The following DMD variants were observed in gnomAD, a reference collection of about 807,000 sequenced individuals.
DMD encodes the protein dystrophin, also known as mutant dystrophin.
A neutral mutation model predicts 330.1 loss-of-function variants in DMD; 63 were observed. The ratio of observed to expected loss-of-function variants is 0.19; its 90% confidence interval spans 0.16 to 0.24. The LOEUF (loss-of-function observed/expected upper bound fraction) is 0.24. Ranked by LOEUF, DMD falls within the 10% of genes least tolerant of loss-of-function variation. The pLI, the probability that DMD is intolerant of heterozygous loss-of-function variation, is 1.00. For missense variants in DMD, 3,344 were observed against 2,684.1 expected (o/e 1.25, Z -5.43); for synonymous variants, 1,223 against 959.8 (o/e 1.27, Z -5.07).
intron 23 of DMD, among the ~76,000 whole-genome samples, chrX:32,467,555 A>C (rs1007890644): frequency 8.2e-5 from 9 of 109,680 alleles, no homozygotes; most frequent in African/African-American, 2.3e-4. Context: ...TAATATACAT[A>C]TACAACAGGT....
chrX:32,924,301 G>A (rs1156895112), intron 2 of DMD, among the ~76,000 whole-genome samples: 1 of 111,448 alleles, frequency 9.0e-6, no homozygotes, highest in Non-Finnish European at 1.9e-5. Flanking sequence ...GCTGAGGCGG[G>A]AGGATTGCTT....
At chrX:32,824,375 C>G (rs1334633465) in intron 4 of DMD, among the ~76,000 whole-genome samples, 2 of 111,952 alleles carry the variant, frequency 1.8e-5, no homozygotes, top group African/African-American at 6.5e-5. Flanking sequence ...GGTAGATAAA[C>G]AAACCATAGT....
intron 44 of DMD, among the ~76,000 whole-genome samples, chrX:32,100,265 A>G (rs760101519): frequency 9.1e-6 from 1 of 110,055 alleles, no homozygotes; most frequent in Non-Finnish European, 1.9e-5. Context: ...TATTTACAAG[A>G]TCACCTAACT....
At chrX:32,224,147 T>C (rs2097140203) in intron 43 of DMD, among the ~76,000 whole-genome samples, 1 of 111,584 alleles carries the variant, frequency 9.0e-6, no homozygotes, top group Non-Finnish European at 1.9e-5. Context: ...TAATTTATCC[T>C]ACTCTGTGGG....
rs139803290 is a variant in DMD, at chrX:32,737,552, C to T, written c.650-38259G>A. Among the ~76,000 whole-genome samples, 903 of 111,224 alleles carry T rather than the reference C, an allele frequency of 8.1e-3. 8 individuals carry two copies. The highest frequency in any genetic ancestry group is 0.029 in the African/African-American group (875 of 30,625). On this transcript the variant is annotated intron_variant, in intron 7 of 78. Coordinates refer to ENST00000357033, the MANE Select transcript of DMD (RefSeq NM_004006.3). The stretch of plus-strand genomic sequence containing the variant: ...TGTAGTTTTGGGTTGATACAAACTT[C>T]TCTCAGCTGCATTCCCATTAGATAA...
chrX:31,358,406 A>G (rs2058769332), intron 60 of DMD, among the ~76,000 whole-genome samples: 1 of 111,402 alleles, frequency 9.0e-6, no homozygotes, highest in South Asian at 3.8e-4. Flanking sequence ...TCTTTCACGA[A>G]AGCAAGAAAT....
chrX:32,737,939 A>G (rs972737634), intron 7 of DMD, among the ~76,000 whole-genome samples: 5 of 112,168 alleles, frequency 4.5e-5, no homozygotes, highest in Admixed American at 9.5e-5. Context: ...CTGATTTGAT[A>G]TAACAGGAAT....
intron 60 of DMD, among the ~76,000 whole-genome samples, chrX:31,424,962 A>C (rs185759081): frequency 6.0e-4 from 67 of 112,367 alleles, no homozygotes; most frequent in African/African-American, 2.2e-3. Flanking sequence ...ATACACTTTC[A>C]GGAATGAATA....
At chrX:33,028,133 G>A in intron 1 of DMD, among the ~76,000 whole-genome samples, 2 of 111,979 alleles carry the variant, frequency 1.8e-5, no homozygotes, top group African/African-American at 3.2e-5. Flanking sequence ...GAAGACACAT[G>A]AGCTGATTAT....
chrX:33,067,147 C>T (rs966862455), intron 1 of DMD, among the ~76,000 whole-genome samples: 8 of 111,557 alleles, frequency 7.2e-5, no homozygotes, highest in Admixed American at 9.6e-5. Context: ...AGAGTGTGTA[C>T]GGATAACACG....
chrX:32,814,841 G>A (rs1051530102), intron 6 of DMD, among the ~76,000 whole-genome samples: 2 of 111,324 alleles, frequency 1.8e-5, no homozygotes, highest in Admixed American at 9.5e-5. Context: ...AGGGAAAAAC[G>A]TTAGAGAGCC....
At chrX:31,828,560 A>G (rs1259580746) in intron 49 of DMD, among the ~76,000 whole-genome samples, 1 of 106,736 alleles carries the variant, frequency 9.4e-6, no homozygotes, top group Non-Finnish European at 1.9e-5. Context: ...GCTACTTGGG[A>G]GGCTGAGGCA....
At chrX:31,402,995 G>A (rs2061256671) in intron 60 of DMD, among the ~76,000 whole-genome samples, 1 of 111,197 alleles carries the variant, frequency 9.0e-6, no homozygotes, top group African/African-American at 3.3e-5. Context: ...AAGAAAATAG[G>A]GCATCGATAA....
At chrX:31,411,842 C>T (rs1209696080) in intron 60 of DMD, among the ~76,000 whole-genome samples, 6 of 109,341 alleles carry the variant, frequency 5.5e-5, no homozygotes, top group Admixed American at 1.9e-4. Flanking sequence ...TCATGTTGGC[C>T]GGACTGGCCT....
At position 31,606,475 on chromosome X, in the gene DMD, T is replaced by C. The variant is rs761921558; in HGVS notation, c.8217+21198A>G. 1.1e-4 allele frequency among the ~76,000 whole-genome samples: 12 copies of C among 111,810 alleles called. No individual in the cohort carries two copies. In the South Asian group the frequency reaches 4.5e-3, roughly 42 times the overall value. Reference sequence around the variant, plus strand: ...GATTACTGAGTTAGCTAAGAGGACTTCTCCTGTTATAATATTATACATAAT... The same window carrying C: ...GATTACTGAGTTAGCTAAGAGGACTCCTCCTGTTATAATATTATACATAAT... On this transcript the variant is annotated intron_variant, in intron 55 of 78. Transcript: ENST00000357033.
chrX:33,076,836 T>C (rs143296153), intron 1 of DMD, among the ~76,000 whole-genome samples: 8,132 of 111,153 alleles, frequency 0.073, 752 homozygotes, highest in African/African-American at 0.25. Flanking sequence ...AGTAACTCCC[T>C]CAGAGCCAGC....
chrX:32,178,392 T>C (rs1282590738), intron 44 of DMD, among the ~76,000 whole-genome samples: 1 of 105,355 alleles, frequency 9.5e-6, no homozygotes, highest in Non-Finnish European at 1.9e-5. Context: ...GATATTTATA[T>C]ATATAGTGTA....
intron 1 of DMD, among the ~76,000 whole-genome samples, chrX:33,236,041 G>GT (rs1325401103): frequency 1.0e-5 from 1 of 99,343 alleles, no homozygotes; most frequent in Non-Finnish European, 2.0e-5. Context: ...TCTGCCTCCT[G>GT]AGTAGCTGGG....
intron 22 of DMD, 32 bp downstream of exon 22, chrX:32,472,132 T>A (rs1215618622): frequency 1.5e-5 from 18 of 1,201,878 alleles, no homozygotes; most frequent in Non-Finnish European, 1.9e-5. Context: ...ATAAGCGTGC[T>A]TTATTGTTTT....
Sources: gnomAD v4.1 joint callset for allele counts (sites outside exome capture counted in the v4.1 genomes callset) on GRCh38, gnomAD v4.1.1 for gene constraint, MANE v1.5 for transcripts, NCBI Gene and HGNC (gene_info 2026-07-23, HGNC 2026-07-21) for gene names.